HPSE2: variants seen among roughly 807,000 people sequenced by gnomAD.
The protein encoded by HPSE2 is inactive heparanase-2.
In HPSE2, 38 loss-of-function variants were observed where a neutral mutation model predicts 60.5. That is an observed-to-expected ratio of 0.63 (90% CI 0.48 to 0.82). HPSE2 has a LOEUF of 0.82. HPSE2 is among the 40% of genes least tolerant of loss of function. HPSE2 has a pLI of 0.00. For synonymous variants in HPSE2, 295 were observed against 293.2 expected (o/e 1.01, Z -0.06); for missense variants, 713 against 740.4 (o/e 0.96, Z 0.43).
intron 3 of HPSE2, among the ~76,000 whole-genome samples, chr10:98,914,874 T>G (rs1954074499): frequency 1.3e-5 from 2 of 151,476 alleles, no homozygotes; most frequent in African/African-American, 2.4e-5. Context: ...TTGGTGAGCT[T>G]CACCCCAACA....
chr10:98,976,203 A>T (rs1956080654), intron 3 of HPSE2, among the ~76,000 whole-genome samples: 1 of 152,196 alleles, frequency 6.6e-6, no homozygotes, highest in East Asian at 1.9e-4. Context: ...AGAGACCTCA[A>T]GGAAAGAGAC....
At chr10:99,191,105 C>T (rs1479866631) in intron 2 of HPSE2, among the ~76,000 whole-genome samples, 1 of 152,062 alleles carries the variant, frequency 6.6e-6, no homozygotes, top group Non-Finnish European at 1.5e-5. Flanking sequence ...AGCTCAGCAG[C>T]AGTGGAATAG....
chr10:98,901,769 A>C (rs1038613209), intron 3 of HPSE2, among the ~76,000 whole-genome samples: 2 of 152,200 alleles, frequency 1.3e-5, no homozygotes, highest in South Asian at 4.1e-4. Flanking sequence ...CTTTTGAATG[A>C]TTTTAAGCAA....
At chr10:98,946,472 C>CAAA (rs61591255) in intron 3 of HPSE2, among the ~76,000 whole-genome samples, 1 of 93,240 alleles carries the variant, frequency 1.1e-5, no homozygotes, top group Non-Finnish European at 2.4e-5. Flanking sequence ...GACCCTCACT[C>CAAA]AAAAAAAAAA....
At chr10:98,815,804 G>A (rs1193569740) in intron 3 of HPSE2, among the ~76,000 whole-genome samples, 2 of 151,834 alleles carry the variant, frequency 1.3e-5, no homozygotes, top group African/African-American at 4.8e-5. Flanking sequence ...TCTCCCTATC[G>A]TTCTATGTTA....
At chr10:98,753,231 G>A (rs1932730) in intron 3 of HPSE2, among the ~76,000 whole-genome samples, 105,473 of 152,102 alleles carry the variant, frequency 0.69, 37,678 homozygotes, top group Non-Finnish European at 0.8. Context: ...ATAACTATGT[G>A]AGAAAAAAAG....
chr10:98,809,536 A>T (rs1182743579), intron 3 of HPSE2, among the ~76,000 whole-genome samples: 1 of 152,028 alleles, frequency 6.6e-6, no homozygotes, highest in East Asian at 1.9e-4. Context: ...ATATATATAT[A>T]TTTGTATATC....
intron 9 of HPSE2, among the ~76,000 whole-genome samples, chr10:98,553,230 G>T (rs949742084): frequency 6.6e-6 from 1 of 152,020 alleles, no homozygotes; most frequent in Non-Finnish European, 1.5e-5. Flanking sequence ...CCAGCATTCT[G>T]GGAATATTAA....
chr10:98,946,472 CA>C (rs61591255), intron 3 of HPSE2, among the ~76,000 whole-genome samples: 5,166 of 93,116 alleles, frequency 0.055, 166 homozygotes, highest in African/African-American at 0.11. Context: ...GACCCTCACT[CA>C]AAAAAAAAAA....
intron 3 of HPSE2, among the ~76,000 whole-genome samples, chr10:98,894,588 A>G (rs1485081053): frequency 6.6e-6 from 1 of 152,034 alleles, no homozygotes; most frequent in African/African-American, 2.4e-5. Flanking sequence ...AAAAACATGC[A>G]TAGAAAGTCA....
intron 3 of HPSE2, among the ~76,000 whole-genome samples, chr10:99,004,957 T>A (rs1564730224): frequency 6.6e-6 from 1 of 152,182 alleles, no homozygotes; most frequent in Admixed American, 6.5e-5. Flanking sequence ...TTTAGTACTT[T>A]GAATATACCA....
intron 9 of HPSE2, among the ~76,000 whole-genome samples, chr10:98,533,943 T>G (rs898892): frequency 0.34 from 52,393 of 152,016 alleles, 9,473 homozygotes; most frequent in East Asian, 0.48. Context: ...CAGAGAGCAA[T>G]TAACCAGACT....
chr10:99,225,259 A>G (rs1371370991), intron 2 of HPSE2, among the ~76,000 whole-genome samples: 1 of 152,074 alleles, frequency 6.6e-6, no homozygotes, highest in Non-Finnish European at 1.5e-5. Flanking sequence ...TGAAGTTAGA[A>G]TGAGGTCTTT....
At chr10:98,914,056 C>T (rs188139751) in intron 3 of HPSE2, among the ~76,000 whole-genome samples, 344 of 152,200 alleles carry the variant, frequency 2.3e-3, no homozygotes, top group Non-Finnish European at 4.0e-3. Flanking sequence ...TGGCTGTGCC[C>T]CCACCCAAAT....
At chr10:98,467,241 A>G (rs973634370) in intron 11 of HPSE2, among the ~76,000 whole-genome samples, 1 of 152,056 alleles carries the variant, frequency 6.6e-6, no homozygotes, top group African/African-American at 2.4e-5. Context: ...TCTCTCCACT[A>G]GATTGGAAGC....
intron 3 of HPSE2, among the ~76,000 whole-genome samples, chr10:98,895,940 TG>T (rs1325552659): frequency 1.6e-5 from 1 of 62,348 alleles, no homozygotes; most frequent in African/African-American, 6.7e-5. Flanking sequence ...TGTTGTGGGG[TG>T]GGGGGAGGGG....
At chr10:98,662,271 G>GC (rs1442417269) in intron 6 of HPSE2, among the ~76,000 whole-genome samples, 2 of 152,018 alleles carry the variant, frequency 1.3e-5, no homozygotes, top group East Asian at 1.9e-4. Flanking sequence ...CCCAAAGGGT[G>GC]CCCCCCCGGA....
intron 3 of HPSE2, among the ~76,000 whole-genome samples, chr10:98,918,864 A>T (rs1219205895): frequency 4.0e-5 from 6 of 151,776 alleles, no homozygotes; most frequent in Non-Finnish European, 7.4e-5. Context: ...GACAATTAAT[A>T]AAAAAAAGAC....
chr10:99,135,377 C>T (rs1023100089), intron 3 of HPSE2, among the ~76,000 whole-genome samples: 8 of 152,326 alleles, frequency 5.3e-5, no homozygotes, highest in African/African-American at 1.9e-4. Flanking sequence ...ATCTCCAGAA[C>T]TCTCCACCCC....
Sources: allele counts gnomAD v4.1 joint callset (sites outside exome capture counted in the v4.1 genomes callset), GRCh38; gene constraint gnomAD v4.1.1; transcripts MANE v1.5; gene names NCBI Gene and HGNC (gene_info 2026-07-23, HGNC 2026-07-21).